Variants in STON2 observed in about 807,000 individuals in gnomAD.
STON2 encodes the protein stonin-2.
Under a neutral mutation model 65.7 loss-of-function variants are expected in STON2, and 29 were observed. The ratio of observed to expected loss-of-function variants is 0.44; its 90% CI spans 0.33 to 0.60. The LOEUF (loss-of-function observed/expected upper bound fraction) is 0.60, where lower values mean the gene tolerates loss of function less well. STON2 is among the 20% of genes least tolerant of loss of function. STON2 has a pLI of 0.03. For synonymous variants in STON2, 404 were observed against 414.2 expected (o/e 0.98, Z 0.30); for missense variants, 1,054 against 1,118.1 (o/e 0.94, Z 0.82).
chr14:81,281,132 T>C (rs907674361), intron 5 of STON2, among the ~76,000 whole-genome samples: 1 of 152,166 alleles, frequency 6.6e-6, no homozygotes, highest in African/African-American at 2.4e-5. Flanking sequence ...GCATTTTCTA[T>C]ATCTACAGTG....
chr14:81,379,543 C>G (rs1320366122), intron 3 of STON2, among the ~76,000 whole-genome samples: 1 of 152,122 alleles, frequency 6.6e-6, no homozygotes, highest in Admixed American at 6.5e-5. Context: ...CATGGCAAAA[C>G]AATCCTAAGC....
intron 2 of STON2, among the ~76,000 whole-genome samples, chr14:81,424,151 T>C (rs1192975655): frequency 6.6e-6 from 1 of 152,168 alleles, no homozygotes; most frequent in Non-Finnish European, 1.5e-5. Context: ...TTTCCTTCTT[T>C]TATTTTTCCT....
At chr14:81,275,583 G>C (rs909693090) in intron 6 of STON2, among the ~76,000 whole-genome samples, 1 of 152,140 alleles carries the variant, frequency 6.6e-6, no homozygotes, top group African/African-American at 2.4e-5. Flanking sequence ...AGACAGTGCT[G>C]ATTTCAGGGG....
intron 6 of STON2, among the ~76,000 whole-genome samples, chr14:81,274,900 A>G (rs1196147223): frequency 6.6e-6 from 1 of 152,094 alleles, no homozygotes; most frequent in African/African-American, 2.4e-5. Flanking sequence ...GCGAGACTTC[A>G]TTTCAAAAAA....
At chr14:81,344,289 CAGTAAGGAATAAA>C (rs967989055) in intron 4 of STON2, among the ~76,000 whole-genome samples, 3 of 152,002 alleles carry the variant, frequency 2.0e-5, no homozygotes, top group Non-Finnish European at 2.9e-5. Flanking sequence ...GAAATAAATG[CAGTAAGGAATAAA>C]AGTCCTATGT....
At chr14:81,428,225 T>C (rs762822598) in intron 1 of STON2, among the ~76,000 whole-genome samples, 1 of 152,204 alleles carries the variant, frequency 6.6e-6, no homozygotes, top group Non-Finnish European at 1.5e-5. Context: ...GAGGGAAATG[T>C]AGGGACACGG....
intron 3 of STON2, among the ~76,000 whole-genome samples, chr14:81,383,928 T>C (rs1899658712): frequency 6.6e-6 from 1 of 152,158 alleles, no homozygotes; most frequent in Admixed American, 6.5e-5. Flanking sequence ...TGTGTCTGAG[T>C]CTCTGTAACG....
intron 2 of STON2, among the ~76,000 whole-genome samples, chr14:81,424,458 T>C (rs1407778125): frequency 6.6e-6 from 1 of 150,960 alleles, no homozygotes; most frequent in Non-Finnish European, 1.5e-5. Flanking sequence ...AAAAATATTT[T>C]TCTGATTTCT....
chr14:81,281,131 A>G (rs927096480), intron 5 of STON2, among the ~76,000 whole-genome samples: 4 of 152,198 alleles, frequency 2.6e-5, no homozygotes, highest in Non-Finnish European at 4.4e-5. Context: ...AGCATTTTCT[A>G]TATCTACAGT....
Position 81,261,086 on chromosome 14 carries a change from T to C in STON2, c.*7328A>G, listed in dbSNP as rs1894122365. The C allele has an allele frequency of 6.6e-6, 1 of 152,218 alleles. No homozygotes were observed. Among genetic ancestry groups the C allele is most frequent in the African/African-American group, 2.4e-5 (1 of 41,458 alleles). 9.4% of individuals were successfully genotyped at this position (152,218 alleles called of 1,614,324 possible). On this transcript the variant is annotated 3_prime_UTR_variant, in exon 8 of 8. Transcript: ENST00000614646. ...TTGTTAAGTAGACATAAAAGTTAAA[T>C]GAATGCTGGCTTAAGGTCAGAGGAG...
chr14:81,286,663 A>G (rs1219560252), intron 5 of STON2, among the ~76,000 whole-genome samples: 1 of 152,234 alleles, frequency 6.6e-6, no homozygotes, highest in East Asian at 1.9e-4. Context: ...CCAAACCTAC[A>G]GTATATCTGA....
chr14:81,315,143 A>T (rs1472935564), intron 5 of STON2, among the ~76,000 whole-genome samples: 3 of 152,252 alleles, frequency 2.0e-5, no homozygotes, highest in Non-Finnish European at 2.9e-5. Context: ...CAAATTTAGA[A>T]GTGAACACAG....
chr14:81,416,734 G>A (rs1228672656), intron 2 of STON2, among the ~76,000 whole-genome samples: 1 of 152,228 alleles, frequency 6.6e-6, no homozygotes, highest in Non-Finnish European at 1.5e-5. Flanking sequence ...GCAGCACTGT[G>A]ACCAAAGCTA....
chr14:81,435,480 T>G (rs1274220236), intron 1 of STON2, among the ~76,000 whole-genome samples: 1 of 152,190 alleles, frequency 6.6e-6, no homozygotes, highest in Non-Finnish European at 1.5e-5. Flanking sequence ...GCAATCATTA[T>G]CGCCACCTTA....
chr14:81,369,931 A>T (rs1376887545), intron 4 of STON2, among the ~76,000 whole-genome samples: 1 of 152,224 alleles, frequency 6.6e-6, no homozygotes, highest in Non-Finnish European at 1.5e-5. Flanking sequence ...AACCAGGATC[A>T]TCAGTCACAG....
chr14:81,435,778 C>A (rs895135940), intron 1 of STON2, among the ~76,000 whole-genome samples: 7 of 152,206 alleles, frequency 4.6e-5, no homozygotes, highest in Non-Finnish European at 1.0e-4. Flanking sequence ...AATTGCTTGG[C>A]AACGCGCAGA....
chr14:81,370,934 C>T (rs966425390), intron 4 of STON2, 54 bp downstream of exon 4: 8 of 1,547,224 alleles, frequency 5.2e-6, no homozygotes, highest in Admixed American at 1.7e-5. Flanking sequence ...TAAAGTGGAC[C>T]TGGGTACACC....
Position 81,261,653 on chromosome 14 carries a change from G to C in STON2, c.*6761C>G. 1 of 851,356 alleles carries C rather than the reference G, an allele frequency of 1.2e-6. No individual in the cohort carries two copies. Among genetic ancestry groups the C allele is most frequent in the South Asian group, 5.0e-5 (1 of 19,890 alleles). The allele number at this position is 851,356 out of a possible 1,614,324, so 52.7% of individuals were successfully genotyped here. ...ATTTTCACAATATTTTATACAAAAT[G>C]ACAAATATATATATACCTCATTGAT... On this transcript the variant is annotated 3_prime_UTR_variant, in exon 8 of 8. Coordinates refer to ENST00000614646, the MANE Select transcript of STON2 (RefSeq NM_001394390.1).
At chr14:81,309,835 G>A (rs7156251) in intron 5 of STON2, among the ~76,000 whole-genome samples, 119,783 of 152,132 alleles carry the variant, frequency 0.79, 47,307 homozygotes, top group African/African-American at 0.8. Context: ...TGGGCCAAAG[G>A]TGGTGGTATC....
Sources: gnomAD v4.1 joint callset for allele counts (sites outside exome capture counted in the v4.1 genomes callset) on GRCh38, gnomAD v4.1.1 for gene constraint, MANE v1.5 for transcripts, NCBI Gene and HGNC (gene_info 2026-07-23, HGNC 2026-07-21) for gene names.